EFCAB7: variants seen among roughly 807,000 people sequenced by gnomAD.
EFCAB7 encodes EF-hand calcium-binding domain-containing protein 7.
In EFCAB7, 66 loss-of-function variants were observed where a neutral mutation model predicts 77.1. That is an observed-to-expected ratio of 0.86 (90% CI 0.70 to 1.05). The LOEUF is 1.05. Ranked by LOEUF, EFCAB7 falls within the 50% of genes least tolerant of loss-of-function variation. The pLI, the probability that EFCAB7 is intolerant of heterozygous loss-of-function variation, is 0.00. For synonymous variants in EFCAB7, 225 were observed against 243.3 expected (o/e 0.92, Z 0.70); for missense variants, 638 against 730.5 (o/e 0.87, Z 1.46).
In EFCAB7 at chr1:63,561,694, T is replaced by C; in HGVS notation, c.1349-15T>C. On this transcript the variant is annotated splice_polypyrimidine_tract_variant and intron_variant, in intron 10 of 13. Transcript: ENST00000371088. ...TTTAAATTATGTAAGAAAAAACTTT[T>C]GGTTGTTTAAACAGAGAATTTTGAT... The C allele has an allele frequency of 6.5e-7, 1 of 1,549,950 alleles. No homozygotes were observed.
chr1:63,569,177 A>C (rs1647204709), intron 12 of EFCAB7: 1 of 152,192 alleles, frequency 6.6e-6, no homozygotes, highest in Non-Finnish European at 1.5e-5. Context: ...TTTAGGTCCT[A>C]CGTGAGACAT....
chr1:63,542,262 A>C (rs572857529), intron 6 of EFCAB7, among the ~76,000 whole-genome samples: 158 of 152,360 alleles, frequency 1.0e-3, no homozygotes, highest in African/African-American at 3.7e-3. Context: ...AGACTCATTC[A>C]TGTATAGCAT....
chr1:63,574,102 C>A (rs933538394), downstream of EFCAB7, among the ~76,000 whole-genome samples: 1 of 152,162 alleles, frequency 6.6e-6, no homozygotes, highest in Non-Finnish European at 1.5e-5. Context: ...ATTTTAGTTT[C>A]CTGACTGGAG....
At chr1:63,530,761 A>G (rs1366416970) in intron 2 of EFCAB7, among the ~76,000 whole-genome samples, 1 of 152,214 alleles carries the variant, frequency 6.6e-6, no homozygotes, top group Non-Finnish European at 1.5e-5. Context: ...AACATGATTA[A>G]TGTTTTTGAA....
chr1:63,526,298 A>G, intron 2 of EFCAB7, among the ~76,000 whole-genome samples: 1 of 152,140 alleles, frequency 6.6e-6, no homozygotes, highest in Non-Finnish European at 1.5e-5. Flanking sequence ...GGTCCCCAAA[A>G]CCACCAAATT....
At chr1:63,580,186 G>T in the EFCAB7 span, among the ~76,000 whole-genome samples, 1 of 152,094 alleles carries the variant, frequency 6.6e-6, no homozygotes, top group African/African-American at 2.4e-5. Flanking sequence ...TCTAAAAGTT[G>T]TATAGTTTTA....
chr1:63,538,461 CT>C (rs71584404), intron 6 of EFCAB7, among the ~76,000 whole-genome samples: 4 of 146,362 alleles, frequency 2.7e-5, no homozygotes, highest in Admixed American at 1.4e-4. Context: ...TTTTCTTTTT[CT>C]TTTTTTTTTG....
At chr1:63,575,829 TTGG>T (rs1467429239), downstream of EFCAB7, among the ~76,000 whole-genome samples, 11 of 152,172 alleles carry the variant, frequency 7.2e-5, no homozygotes, top group Non-Finnish European at 1.5e-4. Context: ...GTCAAGCGAT[TTGG>T]TGCCTTGGCC....
At chr1:63,556,386 G>T (rs1647030489) in intron 9 of EFCAB7, among the ~76,000 whole-genome samples, 2 of 152,040 alleles carry the variant, frequency 1.3e-5, no homozygotes, top group South Asian at 4.1e-4. Context: ...AAACAAAACA[G>T]CTCATTCTCT....
chr1:63,555,289 A>C, intron 8 of EFCAB7, 69 bp from the exon 9 acceptor site: 3 of 1,458,822 alleles, frequency 2.1e-6, no homozygotes, highest in Non-Finnish European at 2.8e-6. Flanking sequence ...AAGAAATATT[A>C]AAAGCTTTAA....
intron 6 of EFCAB7, among the ~76,000 whole-genome samples, chr1:63,537,105 G>T (rs982876463): frequency 6.6e-6 from 1 of 152,088 alleles, no homozygotes; most frequent in Non-Finnish European, 1.5e-5. Context: ...GGTACTATAC[G>T]CATATTACTT....
Position 63,543,325 on chromosome 1 carries a change from C to A in EFCAB7, c.805-2591C>A, listed in dbSNP as rs1570403239. Among the ~76,000 whole-genome samples the A allele has an allele frequency of 2.6e-5, 4 of 152,062 alleles. No individual in the cohort carries two copies. In the East Asian group the frequency reaches 7.7e-4, roughly 29 times the overall value. On this transcript the variant is annotated intron_variant, in intron 6 of 13. Coordinates refer to ENST00000371088, the MANE Select transcript of EFCAB7 (RefSeq NM_032437.4). ...GTCTGTTTTCATGCTAGTACCACAC[C>A]CTTTTGATTACTGTATCTTTGTAGT...
intron 2 of EFCAB7, among the ~76,000 whole-genome samples, chr1:63,527,602 C>T (rs1170578382): frequency 5.3e-5 from 8 of 152,140 alleles, no homozygotes; most frequent in Non-Finnish European, 8.8e-5. Context: ...ATTTAAATAT[C>T]TACAGCTACG....
At chr1:63,566,326 A>G (rs566797861) in intron 11 of EFCAB7, among the ~76,000 whole-genome samples, 1 of 152,326 alleles carries the variant, frequency 6.6e-6, no homozygotes, top group Non-Finnish European at 1.5e-5. Context: ...AAGGGGAACA[A>G]CACACACTAG....
intron 12 of EFCAB7, 85 bp from the exon 13 acceptor site, chr1:63,570,934 CAG>C (rs1483252837): frequency 2.2e-6 from 2 of 911,434 alleles, no homozygotes; most frequent in African/African-American, 3.4e-5. Flanking sequence ...GATGTTAAAA[CAG>C]AATTTCAGGG....
downstream of EFCAB7, among the ~76,000 whole-genome samples, chr1:63,575,259 A>G (rs936116176): frequency 6.6e-6 from 1 of 152,036 alleles, no homozygotes; most frequent in Non-Finnish European, 1.5e-5. Context: ...TTAAATTACT[A>G]TATTTAGTAA....
At chr1:63,553,664 G>A (rs575952190) in intron 8 of EFCAB7, among the ~76,000 whole-genome samples, 13 of 152,214 alleles carry the variant, frequency 8.5e-5, no homozygotes, top group Non-Finnish European at 1.9e-4. Context: ...ATGACTTTCG[G>A]TTATATTGGA....
chr1:63,555,695 A>G lies in EFCAB7; in HGVS notation c.1214+180A>G, dbSNP rs368190891. 4.6e-5 allele frequency among the ~76,000 whole-genome samples: 7 copies of G among 152,272 alleles called. No individual in the cohort carries two copies. The East Asian group carries it at 7.7e-4, about 17-fold the overall frequency. The stretch of plus-strand genomic sequence containing the variant: ...TTCTGCTAAGTTAAATAAGCCAGGC[A>G]CAGAAAGATAAATACTGCATGATCT... On this transcript the variant is annotated intron_variant, in intron 9 of 13. Coordinates refer to ENST00000371088, the MANE Select transcript of EFCAB7 (RefSeq NM_032437.4).
chr1:63,555,526 T>A lies in EFCAB7; in HGVS notation c.1214+11T>A. The A allele has an allele frequency of 1.2e-6, 2 of 1,607,992 alleles. No individual in the cohort carries two copies. The highest frequency in any genetic ancestry group is 1.7e-6 in the Non-Finnish European group (2 of 1,176,066). On this transcript the variant is annotated intron_variant, in intron 9 of 13. Transcript: ENST00000371088. The stretch of plus-strand genomic sequence containing the variant: ...TACAAAGGAATTTAAGTAAGTTTTG[T>A]TTATTAATGTTAGAATTATAACATC...
Sources: allele counts gnomAD v4.1 joint callset (sites outside exome capture counted in the v4.1 genomes callset), GRCh38; gene constraint gnomAD v4.1.1; transcripts MANE v1.5; gene names NCBI Gene and HGNC (gene_info 2026-07-23, HGNC 2026-07-21).